The following RERE variants were observed in gnomAD, a reference collection of about 807,000 sequenced individuals.
RERE encodes arginine-glutamic acid dipeptide repeats, also known as arginine-glutamic acid dipeptide repeats protein.
A neutral mutation model predicts 146.1 loss-of-function variants in RERE; 40 were observed. That is an observed-to-expected ratio of 0.27 (90% CI 0.21 to 0.36). The LOEUF (loss-of-function observed/expected upper bound fraction) is 0.36. Among genes scored for constraint, RERE ranks in the 10% least tolerant of loss-of-function variants. The pLI is 1.00. For missense variants in RERE, 1,933 were observed against 2,138.7 expected (o/e 0.90, Z 1.90); for synonymous variants, 1,003 against 866.0 (o/e 1.16, Z -2.78).
chr1:8,591,015 T>C (rs570361257), intron 4 of RERE, among the ~76,000 whole-genome samples: 5 of 152,350 alleles, frequency 3.3e-5, no homozygotes, highest in African/African-American at 1.2e-4. Context: ...TACTTGGCTA[T>C]ATCAGATGTT....
rs6693321 is a variant in RERE, at chr1:8,370,975, T to C, written c.1285-5001A>G. Reference sequence around the variant, plus strand: ...TGTTGTCGACATGAATGGCCTATAATGATCATTTTGCTCCTGATGCTCTCA... The same window carrying C: ...TGTTGTCGACATGAATGGCCTATAACGATCATTTTGCTCCTGATGCTCTCA... On this transcript the variant is annotated intron_variant, in intron 12 of 22. Coordinates refer to ENST00000400908, the MANE Select transcript of RERE (RefSeq NM_001042681.2). 2.6e-5 allele frequency among the ~76,000 whole-genome samples: 4 copies of C among 152,306 alleles called. No individual in the cohort carries two copies. The East Asian group carries it at 5.8e-4, about 22-fold the overall frequency.
intron 1 of RERE, among the ~76,000 whole-genome samples, chr1:8,799,881 C>T (rs978905265): frequency 1.3e-5 from 2 of 151,518 alleles, no homozygotes; most frequent in African/African-American, 2.4e-5. Flanking sequence ...GCGCAATTTC[C>T]GCTCACCACA....
chr1:8,486,617 C>T (rs908277835), intron 10 of RERE, among the ~76,000 whole-genome samples: 9 of 151,186 alleles, frequency 6.0e-5, no homozygotes, highest in Admixed American at 1.3e-4. Flanking sequence ...AAATTAATAA[C>T]GAACAGAAAC....
At chr1:8,730,198 G>T (rs887587579) in intron 1 of RERE, among the ~76,000 whole-genome samples, 8 of 152,160 alleles carry the variant, frequency 5.3e-5, no homozygotes, top group African/African-American at 1.9e-4. Context: ...GAAATATAAT[G>T]AATCCCTTTG....
chr1:8,361,681 G>T, intron 17 of RERE, 82 bp downstream of exon 17: 1 of 1,380,830 alleles, frequency 7.2e-7, no homozygotes, highest in Non-Finnish European at 1.0e-6. Flanking sequence ...ACAGGGCACG[G>T]CCACCAACTA....
At chr1:8,481,654 TC>T (rs1221507662) in intron 10 of RERE, among the ~76,000 whole-genome samples, 1 of 152,206 alleles carries the variant, frequency 6.6e-6, no homozygotes, top group East Asian at 1.9e-4. Context: ...AATTTTATAA[TC>T]AGGAAGCTGA....
At chr1:8,611,763 A>T (rs1444638494) in intron 4 of RERE, among the ~76,000 whole-genome samples, 14 of 152,164 alleles carry the variant, frequency 9.2e-5, no homozygotes. Context: ...ATGTGCACGT[A>T]TGTCCCCTTG....
At position 8,400,837 on chromosome 1, in the gene RERE, C is replaced by CA. The variant is rs147651647; in HGVS notation, c.1284+21889dup. Reference sequence around the variant, plus strand: ...TGGGTAACATGGTGAAACACCATCTCAAAAAAAAAAAAAAAAAAAAAAACC... The same window carrying CA: ...TGGGTAACATGGTGAAACACCATCTCAAAAAAAAAAAAAAAAAAAAAAAACC... On this transcript the variant is annotated intron_variant, in intron 12 of 22. Coordinates refer to ENST00000400908, the MANE Select transcript of RERE (RefSeq NM_001042681.2). Among the ~76,000 whole-genome samples, 569 of 58,498 alleles carry CA rather than the reference C, an allele frequency of 9.7e-3. 2 individuals are homozygous for CA. The highest frequency in any genetic ancestry group is 0.014 in the Non-Finnish European group (431 of 31,768). 38.4% of individuals were successfully genotyped at this position (58,498 alleles called of 152,430 possible). A position where few individuals can be genotyped will look rare whatever the true frequency, so the allele number is the denominator to read the frequency against.
At chr1:8,411,337 A>G (rs1035478073) in intron 12 of RERE, among the ~76,000 whole-genome samples, 2 of 150,392 alleles carry the variant, frequency 1.3e-5, no homozygotes, top group Non-Finnish European at 3.0e-5. Flanking sequence ...TTTTTTTTAA[A>G]GAGATGGGGT....
chr1:8,469,110 A>G (rs1203225536), intron 10 of RERE, among the ~76,000 whole-genome samples: 1 of 152,114 alleles, frequency 6.6e-6, no homozygotes, highest in Non-Finnish European at 1.5e-5. Context: ...ACATGTGAGG[A>G]TAATATTAGA....
chr1:8,366,950 A>G (rs1286680502), intron 12 of RERE, among the ~76,000 whole-genome samples: 2 of 151,530 alleles, frequency 1.3e-5, no homozygotes, highest in Non-Finnish European at 2.9e-5. Context: ...AACCCAAAAA[A>G]CAAACACAGC....
intron 1 of RERE, among the ~76,000 whole-genome samples, chr1:8,661,086 C>G (rs78930028): frequency 1.3e-4 from 18 of 139,672 alleles, no homozygotes; most frequent in African/African-American, 4.3e-4. Flanking sequence ...AAGGGGGACA[C>G]AGTGTTGCAG....
Position 8,356,178 on chromosome 1 carries a change from A to G in RERE, c.4408T>C (p.Tyr1470His). 1 of 1,520,760 alleles carries G rather than the reference A, an allele frequency of 6.6e-7. No individual in the cohort carries two copies. Among genetic ancestry groups the G allele is most frequent in the Non-Finnish European group, 8.7e-7 (1 of 1,144,608 alleles). 94.2% of individuals were successfully genotyped at this position (1,520,760 alleles called of 1,614,324 possible). ...GGGTTGGGGAGAGTGCCAGGCGGGT[A>G]GGGGAAGCGAGCCAGGTGGGGACCG... ...TAGPHLARFP[Y>H]PPGTLPNPLL... is the part of the protein sequence containing the mutation. Residue 1470 changes from tyrosine to histidine, a missense_variant, in exon 21 of 23, where the codon TAC (tyrosine) becomes CAC (histidine). Physicochemically the swap from Tyr to His is moderately conservative, Grantham distance 83. Transcript: ENST00000400908. The surrounding 1 kb of genome is among the most constrained non-coding windows in gnomAD (Gnocchi z 5.2).
chr1:8,372,510 G>A (rs1642077016), intron 12 of RERE, among the ~76,000 whole-genome samples: 2 of 141,102 alleles, frequency 1.4e-5, no homozygotes, highest in Admixed American at 6.8e-5. Context: ...ATCAGGTCGT[G>A]TGTGTGTGTG....
intron 8 of RERE, among the ~76,000 whole-genome samples, chr1:8,500,550 C>T (rs1015402308): frequency 6.6e-6 from 1 of 152,140 alleles, no homozygotes; most frequent in African/African-American, 2.4e-5. Context: ...GGTGTGATCT[C>T]GGCTCGCTAC....
At chr1:8,777,763 C>T (rs1420289890) in intron 1 of RERE, among the ~76,000 whole-genome samples, 1 of 151,820 alleles carries the variant, frequency 6.6e-6, no homozygotes, top group Non-Finnish European at 1.5e-5. Context: ...TCTCGATCTC[C>T]TGACCTCGTG....
At chr1:8,636,466 T>C (rs927836039) in intron 2 of RERE, among the ~76,000 whole-genome samples, 2 of 151,960 alleles carry the variant, frequency 1.3e-5, no homozygotes, top group African/African-American at 4.8e-5. Flanking sequence ...CCCAGGAGTA[T>C]GAGCCTGCAG....
At position 8,739,951 on chromosome 1, in the gene RERE, G is replaced by C. The variant is rs564628345; in HGVS notation, c.-145+77209C>G. 2.4e-4 allele frequency among the ~76,000 whole-genome samples: 37 copies of C among 151,420 alleles called. No individual in the cohort carries two copies. In the South Asian group the frequency reaches 7.5e-3, roughly 31 times the overall value. ...CTTTTTTTATTCTGTTTTGCCTCTG[G>C]GCCACTGCACATGGGTTTCCTCTGC... On this transcript the variant is annotated intron_variant, in intron 1 of 22. Transcript: ENST00000400908.
At position 8,356,464 on chromosome 1, in the gene RERE, G is replaced by T. The variant is rs976676813; in HGVS notation, c.4340-218C>A. 6.6e-6 allele frequency among the ~76,000 whole-genome samples: 1 copy of T among 152,128 alleles called. No homozygotes were observed. The highest frequency in any genetic ancestry group is 2.4e-5 in the African/African-American group (1 of 41,430). On this transcript the variant is annotated intron_variant, in intron 20 of 22. Transcript: ENST00000400908. This position sits in a 1 kb window ranked among gnomAD's most constrained non-coding sequence, Gnocchi z 5.2. ...CGAGAGAAGTGACGAGCCCACCGCT[G>T]ATGCAGGCACTCCCTCGTCCGCTTG...
Sources: gnomAD v4.1 joint callset for allele counts (sites outside exome capture counted in the v4.1 genomes callset) on GRCh38, gnomAD v4.1.1 for gene constraint, Gnocchi (gnomAD v3.1) non-coding constraint, MANE v1.5 for transcripts, NCBI Gene and HGNC (gene_info 2026-07-23, HGNC 2026-07-21) for gene names.